Variants in PPARGC1A observed in about 807,000 individuals in gnomAD.
PPARGC1A encodes the protein PPARG coactivator 1 alpha, also known as peroxisome proliferator-activated receptor gamma coactivator 1-alpha.
In PPARGC1A, 25 loss-of-function variants were observed where a neutral mutation model predicts 88.7. That is an observed-to-expected ratio of 0.28 (90% CI 0.21 to 0.39). The LOEUF (loss-of-function observed/expected upper bound fraction) is 0.39. Among genes scored for constraint, PPARGC1A ranks in the 10% least tolerant of loss-of-function variants. The pLI, the probability that PPARGC1A is intolerant of heterozygous loss-of-function variation, is 1.00. For missense variants in PPARGC1A, 880 were observed against 968.7 expected, an observed-to-expected ratio of 0.91 and a Z score of 1.22; for synonymous variants, 363 against 355.6, an observed-to-expected ratio of 1.02 and a Z score of -0.24.
the PPARGC1A span, among the ~76,000 whole-genome samples, chr4:23,977,232 C>G: frequency 6.6e-6 from 1 of 152,178 alleles, no homozygotes; most frequent in Admixed American, 6.5e-5. Context: ...GTTCACCTCT[C>G]TCCGGCGCAC....
the PPARGC1A span, among the ~76,000 whole-genome samples, chr4:24,071,302 C>T: frequency 6.6e-6 from 1 of 152,130 alleles, no homozygotes; most frequent in Non-Finnish European, 1.5e-5. Flanking sequence ...ATATGGTCTT[C>T]CATAACCCCT....
At chr4:24,447,051 T>C in the PPARGC1A span, among the ~76,000 whole-genome samples, 1 of 152,282 alleles carries the variant, frequency 6.6e-6, no homozygotes, top group South Asian at 2.1e-4. Flanking sequence ...AAGACGGCCT[T>C]GCTCCAGCCC....
At chr4:24,209,282 C>T in the PPARGC1A span, among the ~76,000 whole-genome samples, 778 of 152,280 alleles carry the variant, frequency 5.1e-3, 30 homozygotes, top group East Asian at 0.095. Flanking sequence ...CAAACAGGTG[C>T]TGCCTGATGA....
At chr4:23,952,755 T>C in the PPARGC1A span, among the ~76,000 whole-genome samples, 1 of 152,096 alleles carries the variant, frequency 6.6e-6, no homozygotes, top group Non-Finnish European at 1.5e-5. Context: ...TTAAAAACTT[T>C]ATTAGTTTCA....
chr4:24,208,801 A>T, the PPARGC1A span, among the ~76,000 whole-genome samples: 1 of 151,922 alleles, frequency 6.6e-6, no homozygotes, highest in Non-Finnish European at 1.5e-5. Context: ...CATAATCAAA[A>T]TAATAGCTAC....
chr4:24,362,899 G>A, the PPARGC1A span, among the ~76,000 whole-genome samples: 99 of 152,272 alleles, frequency 6.5e-4, 1 homozygote, highest in African/African-American at 2.0e-3. Context: ...AATATCAAGC[G>A]TGCAAGAGGC....
At chr4:24,093,011 T>G in the PPARGC1A span, among the ~76,000 whole-genome samples, 2 of 152,200 alleles carry the variant, frequency 1.3e-5, no homozygotes, top group African/African-American at 4.8e-5. Flanking sequence ...ATCATCATAA[T>G]AAGAGCAACT....
chr4:24,300,655 T>G, the PPARGC1A span, among the ~76,000 whole-genome samples: 1 of 152,088 alleles, frequency 6.6e-6, no homozygotes, highest in Non-Finnish European at 1.5e-5. Context: ...CTCCCTCATA[T>G]TCACTCCCCT....
At chr4:23,974,891 G>T in the PPARGC1A span, among the ~76,000 whole-genome samples, 3 of 139,690 alleles carry the variant, frequency 2.1e-5, no homozygotes, top group Non-Finnish European at 3.0e-5. Context: ...TCCTGACCTC[G>T]TGATCCGCCC....
the PPARGC1A span, among the ~76,000 whole-genome samples, chr4:24,371,012 C>T: frequency 3.2e-4 from 48 of 152,044 alleles, no homozygotes; most frequent in East Asian, 4.5e-3. Flanking sequence ...CTCCCACTTA[C>T]GAGTGAGAAC....
the PPARGC1A span, among the ~76,000 whole-genome samples, chr4:24,060,635 C>T: frequency 2.0e-5 from 3 of 152,110 alleles, no homozygotes; most frequent in Admixed American, 1.3e-4. Context: ...TTAAAGGGAG[C>T]AATTTGAAGG....
At chr4:24,140,800 G>A in the PPARGC1A span, among the ~76,000 whole-genome samples, 1 of 152,122 alleles carries the variant, frequency 6.6e-6, no homozygotes, top group Non-Finnish European at 1.5e-5. Context: ...TGATGAATGT[G>A]CTTATCCTCA....
At position 23,810,450 on chromosome 4, in the gene PPARGC1A, T is replaced by C. The variant is rs543073104; in HGVS notation, c.2019+2297A>G. Reference sequence around the variant, plus strand: ...AACAGGGTAGCATCTGCTTCCAAGCTGAGGCTGGTGACCCTCAGGGTGATT... The same window carrying C: ...AACAGGGTAGCATCTGCTTCCAAGCCGAGGCTGGTGACCCTCAGGGTGATT... On this transcript the variant is annotated intron_variant, in intron 10 of 12. Transcript: ENST00000264867. 2.6e-5 allele frequency among the ~76,000 whole-genome samples: 4 copies of C among 152,314 alleles called. 1 individual carries two copies. In the South Asian group the frequency reaches 8.3e-4, roughly 32 times the overall value.
chr4:24,466,557 T>A, the PPARGC1A span, among the ~76,000 whole-genome samples: 14 of 152,216 alleles, frequency 9.2e-5, no homozygotes, highest in Admixed American at 3.3e-4. Context: ...TATGTTGTTA[T>A]GGAGATTAAA....
At chr4:23,968,392 C>T in the PPARGC1A span, among the ~76,000 whole-genome samples, 2 of 152,080 alleles carry the variant, frequency 1.3e-5, no homozygotes, top group African/African-American at 4.8e-5. Flanking sequence ...AATGTCCTTC[C>T]TTCCTTCAGA....
chr4:23,977,191 C>T, the PPARGC1A span, among the ~76,000 whole-genome samples: 2 of 152,152 alleles, frequency 1.3e-5, no homozygotes, highest in Non-Finnish European at 2.9e-5. Flanking sequence ...TGCTGAAAAA[C>T]CTTCCCATGA....
In PPARGC1A at chr4:23,812,840, G is replaced by A. The variant is rs200822395; in HGVS notation, c.1926C>T (p.His642=). The change falls in exon 10 of 13, where the codon CAC becomes CAT. Residue 642 remains histidine, a synonymous_variant. Transcript: ENST00000264867. ...GATATTCTTCCCTCTTCAGCCTCTC[G>A]TGCTGATATTCCTCGTAGCTGTCAT... ...PRYDSYEEYQ[H]ERLKREEYRR... The A allele has an allele frequency of 1.5e-5, 25 of 1,613,834 alleles. No individual in the cohort carries two copies. Among genetic ancestry groups the A allele is most frequent in the South Asian group, 6.6e-5 (6 of 91,060 alleles).
the PPARGC1A span, among the ~76,000 whole-genome samples, chr4:24,054,234 G>A: frequency 6.7e-6 from 1 of 150,352 alleles, no homozygotes; most frequent in African/African-American, 2.5e-5. Flanking sequence ...TTTTATATGT[G>A]CATTATTATT....
chr4:24,137,332 C>A, the PPARGC1A span, among the ~76,000 whole-genome samples: 1 of 151,934 alleles, frequency 6.6e-6, no homozygotes, highest in Admixed American at 6.6e-5. Flanking sequence ...CCTCCAGTCC[C>A]CAGAACTGGG....
Sources: allele counts gnomAD v4.1 joint callset (sites outside exome capture counted in the v4.1 genomes callset), GRCh38; gene constraint gnomAD v4.1.1; transcripts MANE v1.5; gene names NCBI Gene and HGNC (gene_info 2026-07-23, HGNC 2026-07-21).